Variants in THOC2 observed in about 807,000 individuals in gnomAD.
THOC2 encodes THO complex subunit 2.
A neutral mutation model predicts 128.4 loss-of-function variants in THOC2; 10 were observed. The observed-to-expected ratio is 0.08, with a 90% CI of 0.05 to 0.13. THOC2 has a LOEUF of 0.13. Among genes scored for constraint, THOC2 ranks in the 10% least tolerant of loss-of-function variants. THOC2 has a pLI of 1.00. For synonymous variants in THOC2, 393 were observed against 396.9 expected, an observed-to-expected ratio of 0.99 and a Z score of 0.12; for missense variants, 535 against 1,155.7, an observed-to-expected ratio of 0.46 and a Z score of 7.79.
At chrX:123,724,021 G>GA (rs2051828830) in intron 1 of THOC2, among the ~76,000 whole-genome samples, 1 of 110,979 alleles carries the variant, frequency 9.0e-6, no homozygotes, top group Admixed American at 9.6e-5. Flanking sequence ...TCACAATTTA[G>GA]AAAAAAATTC....
At chrX:123,652,320 A>G (rs920306360) in intron 12 of THOC2, among the ~76,000 whole-genome samples, 2 of 111,934 alleles carry the variant, frequency 1.8e-5, no homozygotes, top group Non-Finnish European at 3.8e-5. Context: ...CCCACAGCCA[A>G]TATCATACTG....
intron 26 of THOC2, 89 bp from the exon 27 acceptor site, chrX:123,624,280 T>G: frequency 1.1e-6 from 1 of 922,437 alleles, no homozygotes; most frequent in Admixed American, 3.6e-5. Context: ...GATCAATGTT[T>G]CCGTGTAAAA....
intron 37 of THOC2, 137 bp from the exon 38 acceptor site, chrX:123,611,100 C>T: frequency 1.9e-6 from 1 of 531,589 alleles, no homozygotes; most frequent in Middle Eastern, 3.4e-4. Context: ...ACCAGCTCTG[C>T]TTGTCTGACT....
chrX:123,713,292 A>G (rs185243541), intron 1 of THOC2, among the ~76,000 whole-genome samples: 1 of 110,087 alleles, frequency 9.1e-6, no homozygotes, highest in Non-Finnish European at 1.9e-5. Context: ...GGGCAACACA[A>G]TGAAACCCCG....
intron 12 of THOC2, among the ~76,000 whole-genome samples, chrX:123,654,101 T>C (rs745408380): frequency 1.8e-5 from 2 of 111,241 alleles, no homozygotes; most frequent in African/African-American, 6.5e-5. Context: ...TCATGTCCTT[T>C]GCAGGGACAT....
chrX:123,645,336 T>G lies in THOC2; in HGVS notation c.1426A>C (p.Thr476Pro), dbSNP rs752242424. ...DGSKQEDKEK[T>P]EVILSCLLSI... ...ATTGGATTTTTCTAGTCTCTTACCGTTTTTTCTTTATCTTCTTGTTTGCTT... is the reference window on the plus strand; with the variant it reads ...ATTGGATTTTTCTAGTCTCTTACCGGTTTTTCTTTATCTTCTTGTTTGCTT... The change falls in exon 13 of 39, where the codon ACG becomes CCG. Residue 476 changes from threonine (T) to proline (P), a missense_variant and splice_region_variant. Transcript: ENST00000245838. The G allele has an allele frequency of 8.8e-7, 1 of 1,134,835 alleles. No homozygotes were observed. The highest frequency in any genetic ancestry group is 1.2e-6 in the Non-Finnish European group (1 of 841,173). 93.5% of individuals were successfully genotyped at this position (1,134,835 alleles called of 1,213,427 possible). A position where few individuals can be genotyped will look rare whatever the true frequency, so the allele number is the denominator to read the frequency against.
chrX:123,713,852 A>G (rs1251663588), intron 1 of THOC2, among the ~76,000 whole-genome samples: 1 of 110,500 alleles, frequency 9.0e-6, no homozygotes, highest in Non-Finnish European at 1.9e-5. Context: ...AAAAAAAAAA[A>G]AAGGAAAAAA....
intron 4 of THOC2, 55 bp from the exon 5 acceptor site, chrX:123,697,806 T>A: frequency 2.0e-6 from 1 of 503,450 alleles, no homozygotes; most frequent in Non-Finnish European, 3.2e-6. Flanking sequence ...TCCCCAGCAC[T>A]AAAGTAAGAT....
At position 123,631,808 on chromosome X, in the gene THOC2, A is replaced by T. The variant is rs1197165708; in HGVS notation, c.2361T>A (p.Asn787Lys). 1 of 1,207,190 alleles carries T rather than the reference A, an allele frequency of 8.3e-7. No homozygotes were observed. Among genetic ancestry groups the T allele is most frequent in the Non-Finnish European group, 1.1e-6 (1 of 893,539 alleles). The change falls in exon 22 of 39, where the codon AAT becomes AAA. Residue 787 changes from asparagine (N) to lysine (K), a missense_variant. Physicochemically the swap from Asn to Lys is moderately conservative, Grantham distance 94 (BLOSUM62 0). Coordinates refer to ENST00000245838, the MANE Select transcript of THOC2 (RefSeq NM_001081550.2). ...LVQFGGFLASNLSTEDYIKRV... is the reference protein window; with the variant it reads ...LVQFGGFLASKLSTEDYIKRV... Reference sequence around the variant, plus strand: ...GCTTTATATAATCTTCTGTGCTCAGATTAGATGCTAAAAACCCACCAAACT... The same window carrying T: ...GCTTTATATAATCTTCTGTGCTCAGTTTAGATGCTAAAAACCCACCAAACT...
intron 1 of THOC2, among the ~76,000 whole-genome samples, chrX:123,719,770 C>CAA (rs1290372100): frequency 2.1e-4 from 16 of 76,143 alleles, no homozygotes; most frequent in African/African-American, 6.8e-4. Context: ...CCTGTCTCTA[C>CAA]AAAAAAAAAA....
intron 1 of THOC2, among the ~76,000 whole-genome samples, chrX:123,721,918 C>T (rs1002960270): frequency 4.7e-4 from 53 of 112,418 alleles, no homozygotes; most frequent in African/African-American, 1.6e-3. Flanking sequence ...AGGTAAAGCA[C>T]TTGTGCGATT....
At chrX:123,639,695 A>G (rs947990655) in intron 16 of THOC2, among the ~76,000 whole-genome samples, 6 of 111,673 alleles carry the variant, frequency 5.4e-5, no homozygotes, top group South Asian at 3.8e-4. Context: ...AAAACTACCT[A>G]TTGGGTACTA....
At chrX:123,728,140 T>C (rs972459559) in intron 1 of THOC2, among the ~76,000 whole-genome samples, 2 of 111,684 alleles carry the variant, frequency 1.8e-5, no homozygotes, top group Non-Finnish European at 3.8e-5. Flanking sequence ...ACCTCTATTA[T>C]CATTTGTAGA....
At chrX:123,684,408 A>C (rs2049920927) in intron 8 of THOC2, among the ~76,000 whole-genome samples, 1 of 111,683 alleles carries the variant, frequency 9.0e-6, no homozygotes, top group Non-Finnish European at 1.9e-5. Context: ...TCTGAGACGG[A>C]GTTTTACTCT....
At position 123,601,130 on chromosome X, in the gene THOC2, T is replaced by A. The variant is rs142119099; in HGVS notation, c.*227A>T. 1.0e-3 allele frequency: 116 copies of A among 112,443 alleles called. No homozygotes were observed. The highest frequency in any genetic ancestry group is 1.9e-4 in the Non-Finnish European group (10 of 53,232). The allele number at this position is 112,443 out of a possible 1,213,427, so 9.3% of individuals were successfully genotyped here. ...TGGAACAGTTAACACTTTCAGCCAT[T>A]ACTGAAAATAAACATGTAGAAACTA... On this transcript the variant is annotated 3_prime_UTR_variant, in exon 39 of 39. Coordinates refer to ENST00000245838, the MANE Select transcript of THOC2 (RefSeq NM_001081550.2).
chrX:123,670,873 G>A (rs753143814), intron 9 of THOC2, among the ~76,000 whole-genome samples: 2 of 111,659 alleles, frequency 1.8e-5, no homozygotes, highest in South Asian at 7.6e-4. Flanking sequence ...CTGCTTCCAA[G>A]GTAAAGACCA....
chrX:123,703,377 G>A, intron 4 of THOC2, 77 bp downstream of exon 4: 1 of 681,962 alleles, frequency 1.5e-6, no homozygotes, highest in Non-Finnish European at 2.2e-6. Flanking sequence ...AAAATTCTTA[G>A]TTTAAAACAT....
At chrX:123,693,721 T>C (rs767276746) in intron 7 of THOC2, among the ~76,000 whole-genome samples, 1 of 110,874 alleles carries the variant, frequency 9.0e-6, no homozygotes, top group Non-Finnish European at 1.9e-5. Flanking sequence ...AGAGCCTACA[T>C]CACAGGTGGA....
At chrX:123,718,588 T>C (rs1462892792) in intron 1 of THOC2, among the ~76,000 whole-genome samples, 1 of 111,009 alleles carries the variant, frequency 9.0e-6, no homozygotes, top group African/African-American at 3.3e-5. Flanking sequence ...GGAGAAACCC[T>C]TCTCTACTAA....
Sources: allele counts gnomAD v4.1 joint callset (sites outside exome capture counted in the v4.1 genomes callset), GRCh38; gene constraint gnomAD v4.1.1; transcripts MANE v1.5; gene names NCBI Gene and HGNC (gene_info 2026-07-23, HGNC 2026-07-21).